Variants in LAMB4 observed in about 807,000 individuals in gnomAD.
LAMB4 encodes the protein laminin subunit beta 4, also known as laminin subunit beta-4.
LAMB4 carries 196 observed loss-of-function variants against 199.2 expected under a neutral mutation model. That is an observed-to-expected ratio of 0.98 (90% CI 0.88 to 1.11). The LOEUF is 1.11. LAMB4 is among the 50% of genes least tolerant of loss of function. LAMB4 has a pLI of 0.00. For missense variants in LAMB4, 2,080 were observed against 2,171.2 expected, an observed-to-expected ratio of 0.96 and a Z score of 0.83; for synonymous variants, 744 against 770.6, an observed-to-expected ratio of 0.97 and a Z score of 0.57.
At chr7:108,104,710 G>C (rs1272622235) in intron 8 of LAMB4, 91 bp from the exon 9 acceptor site, 3 of 1,437,606 alleles carry the variant, frequency 2.1e-6, no homozygotes. Context: ...CCAGGTCCTG[G>C]TACCTCTCTG....
intron 29 of LAMB4, 101 bp from the exon 30 acceptor site, chr7:108,037,696 T>A: frequency 2.5e-6 from 2 of 812,770 alleles, no homozygotes; most frequent in Non-Finnish European, 4.1e-6. Flanking sequence ...GCACTTGCAC[T>A]TGATTATGTG....
In LAMB4 at chr7:108,031,619, T is replaced by A. The variant is rs182662566; in HGVS notation, c.4819-640A>T. On this transcript the variant is annotated intron_variant, in intron 31 of 33. Transcript: ENST00000388781. ...TCCTAACAATATATAGTATTAAAATTTTTTTTCACCTTATACAAATATATT... is the reference window on the plus strand; with the variant it reads ...TCCTAACAATATATAGTATTAAAATATTTTTTCACCTTATACAAATATATT... Among the ~76,000 whole-genome samples the A allele has an allele frequency of 8.5e-5, 13 of 152,096 alleles. No homozygotes were observed. In the East Asian group the frequency reaches 2.1e-3, roughly 25 times the overall value.
At chr7:108,013,661 C>T in the LAMB4 span, among the ~76,000 whole-genome samples, 4 of 152,172 alleles carry the variant, frequency 2.6e-5, no homozygotes, top group African/African-American at 9.6e-5. Context: ...GGTAAAATTG[C>T]CCCATTCTGG....
At chr7:108,068,992 A>C (rs572137410) in intron 18 of LAMB4, among the ~76,000 whole-genome samples, 16 of 152,146 alleles carry the variant, frequency 1.1e-4, no homozygotes, top group African/African-American at 3.9e-4. Flanking sequence ...GGTCCCCCTT[A>C]CTAGTTTTTT....
At chr7:108,124,674 AC>A (rs1207323339) in intron 1 of LAMB4, among the ~76,000 whole-genome samples, 43 of 151,984 alleles carry the variant, frequency 2.8e-4, no homozygotes, top group Admixed American at 5.3e-4. Context: ...CAAAAAAAAA[AC>A]AACCTCATTA....
At chr7:108,088,097 T>C (rs1025501051) in intron 14 of LAMB4, among the ~76,000 whole-genome samples, 2 of 152,230 alleles carry the variant, frequency 1.3e-5, no homozygotes, top group Non-Finnish European at 2.9e-5. Context: ...CTTTTCTTTG[T>C]CAATTATGAA....
chr7:108,065,680 A>G (rs2036310265), intron 21 of LAMB4, 82 bp downstream of exon 21: 1 of 1,174,294 alleles, frequency 8.5e-7, no homozygotes, highest in East Asian at 2.4e-5. Flanking sequence ...TCCAAGACAG[A>G]TAAGTCATGA....
intron 11 of LAMB4, 130 bp from the exon 12 acceptor site, chr7:108,095,467 G>A: frequency 1.5e-6 from 1 of 671,910 alleles, no homozygotes. Context: ...CAGGTTTATT[G>A]TGTGCCTGGC....
rs895686322 is a variant in LAMB4, at chr7:108,034,340, T to G, written c.4686A>C (p.Ala1562=). 4.4e-6 allele frequency: 7 copies of G among 1,607,366 alleles called. No homozygotes were observed. Among genetic ancestry groups the G allele is most frequent in the Non-Finnish European group, 6.0e-6 (7 of 1,173,852 alleles). Residue 1562 remains alanine, a synonymous_variant, in exon 31 of 34, where the codon GCA becomes GCC. Coordinates refer to ENST00000388781, the MANE Select transcript of LAMB4 (RefSeq NM_007356.3). ...TGTCAAGATTTAATAGAATATTTGCTGCTTTCCTAAGGTAAGATATTAACA... is the reference window on the plus strand; with the variant it reads ...TGTCAAGATTTAATAGAATATTTGCGGCTTTCCTAAGGTAAGATATTAACA... ...LLVKAKAAEK[A]ANILLNLDKT...
intron 3 of LAMB4, among the ~76,000 whole-genome samples, 164 bp downstream of exon 3, chr7:108,115,840 C>T (rs566578177): frequency 1.6e-3 from 249 of 152,178 alleles, no homozygotes; most frequent in Non-Finnish European, 2.3e-3. Context: ...GAAAGGGTCC[C>T]GGCACCAACG....
intron 12 of LAMB4, among the ~76,000 whole-genome samples, chr7:108,094,833 T>C (rs990719963): frequency 6.6e-6 from 1 of 152,092 alleles, no homozygotes; most frequent in Non-Finnish European, 1.5e-5. Flanking sequence ...ATCCAAAACA[T>C]TTTTAGGAAG....
the LAMB4 span, among the ~76,000 whole-genome samples, chr7:108,018,230 A>C: frequency 6.6e-6 from 1 of 152,216 alleles, no homozygotes; most frequent in Non-Finnish European, 1.5e-5. Context: ...CCACAAGGGC[A>C]TTGTGCCTCC....
At chr7:108,101,612 A>G (rs1316241781) in intron 10 of LAMB4, among the ~76,000 whole-genome samples, 1 of 152,218 alleles carries the variant, frequency 6.6e-6, no homozygotes, top group Non-Finnish European at 1.5e-5. Flanking sequence ...TTTCAGACCC[A>G]GTTACTGACA....
rs762547293 is a variant in LAMB4, at chr7:108,065,925, A to C, written c.2679-6T>G. The C allele has an allele frequency of 4.4e-6, 7 of 1,608,978 alleles. No homozygotes were observed. The South Asian group carries it at 7.8e-5, about 18-fold the overall frequency. ...CATAGTAACCATCAATACACCTGTC[A>C]AGACAATTTCCTTTCACCAAAATGT... is the stretch of plus-strand genomic sequence containing the variant. On this transcript the variant is annotated splice_polypyrimidine_tract_variant and splice_region_variant and intron_variant, in intron 20 of 33. Transcript: ENST00000388781.
At chr7:108,085,239 G>C (rs1384636272) in intron 14 of LAMB4, among the ~76,000 whole-genome samples, 2 of 152,158 alleles carry the variant, frequency 1.3e-5, no homozygotes, top group African/African-American at 4.8e-5. Flanking sequence ...ACTTAGTTTT[G>C]TGCAGTGTTC....
At chr7:108,071,881 T>C (rs1163800347) in intron 17 of LAMB4, among the ~76,000 whole-genome samples, 1 of 152,090 alleles carries the variant, frequency 6.6e-6, no homozygotes, top group African/African-American at 2.4e-5. Context: ...CCAGATAATC[T>C]CCTTCTTAAA....
chr7:108,095,798 C>G (rs959643100), intron 11 of LAMB4, among the ~76,000 whole-genome samples: 1 of 152,118 alleles, frequency 6.6e-6, no homozygotes, highest in Non-Finnish European at 1.5e-5. Context: ...CTCCTCTACC[C>G]GTAGACATTT....
At chr7:108,040,958 G>C (rs1563038511) in intron 29 of LAMB4, among the ~76,000 whole-genome samples, 1 of 152,232 alleles carries the variant, frequency 6.6e-6, no homozygotes, top group South Asian at 2.1e-4. Flanking sequence ...TATCAACAGA[G>C]TAAACACAAC....
chr7:108,052,543 G>A (rs1174967764), intron 25 of LAMB4, among the ~76,000 whole-genome samples: 1 of 152,094 alleles, frequency 6.6e-6, no homozygotes, highest in Non-Finnish European at 1.5e-5. Flanking sequence ...TTTATGCTCT[G>A]TCTTTCTTCG....
Sources: gnomAD v4.1 joint callset for allele counts (sites outside exome capture counted in the v4.1 genomes callset) on GRCh38, gnomAD v4.1.1 for gene constraint, MANE v1.5 for transcripts, NCBI Gene and HGNC (gene_info 2026-07-23, HGNC 2026-07-21) for gene names.